CDH4: variants seen among roughly 807,000 people sequenced by gnomAD.
CDH4 encodes the protein cadherin 4.
A neutral mutation model predicts 86.0 loss-of-function variants in CDH4; 33 were observed. The observed-to-expected ratio is 0.38, with a 90% CI of 0.29 to 0.51. The LOEUF (loss-of-function observed/expected upper bound fraction) is 0.51, where lower values mean the gene tolerates loss of function less well. Ranked by LOEUF, CDH4 falls within the 20% of genes least tolerant of loss-of-function variation. The pLI, the probability that CDH4 is intolerant of heterozygous loss-of-function variation, is 0.86. For missense variants in CDH4, 1,114 were observed against 1,307.4 expected (o/e 0.85, Z 2.28); for synonymous variants, 555 against 549.4 (o/e 1.01, Z -0.14).
intron 2 of CDH4, among the ~76,000 whole-genome samples, chr20:61,726,567 C>A (rs139679835): frequency 7.9e-5 from 12 of 152,164 alleles, no homozygotes; most frequent in African/African-American, 2.2e-4. Context: ...GCAAGAACTG[C>A]CATCATCATC....
chr20:61,300,246 C>T (rs562479067), intron 2 of CDH4, among the ~76,000 whole-genome samples: 3 of 152,048 alleles, frequency 2.0e-5, no homozygotes, highest in South Asian at 2.1e-4. Context: ...GGTCTGAGGC[C>T]GGGGCAATCG....
intron 4 of CDH4, among the ~76,000 whole-genome samples, chr20:61,803,354 G>A (rs1481308063): frequency 6.6e-6 from 1 of 152,214 alleles, no homozygotes; most frequent in Non-Finnish European, 1.5e-5. Flanking sequence ...TTATTTGAAA[G>A]TCTAAAACTC....
At chr20:61,680,506 G>A (rs1378976885) in intron 2 of CDH4, among the ~76,000 whole-genome samples, 2 of 152,170 alleles carry the variant, frequency 1.3e-5, no homozygotes, top group African/African-American at 4.8e-5. Context: ...CAGTCAAGGG[G>A]ACAATGCATG....
intron 1 of CDH4, 85 bp from the exon 2 acceptor site, chr20:61,254,741 T>G: frequency 1.1e-6 from 1 of 911,034 alleles, no homozygotes; most frequent in Non-Finnish European, 1.8e-6. Context: ...CCAGAGACCT[T>G]TTACACAGCA....
At chr20:61,631,909 G>A (rs566177725) in intron 2 of CDH4, among the ~76,000 whole-genome samples, 7 of 152,346 alleles carry the variant, frequency 4.6e-5, no homozygotes, top group East Asian at 3.9e-4. Flanking sequence ...ACAAGACGGC[G>A]CCTCCCCACC....
intron 2 of CDH4, among the ~76,000 whole-genome samples, chr20:61,355,120 A>G (rs1363343751): frequency 6.6e-6 from 1 of 152,202 alleles, no homozygotes; most frequent in Non-Finnish European, 1.5e-5. Context: ...GAGTAGGGAG[A>G]AAAACGCACC....
chr20:61,792,775 C>T (rs901479763), intron 4 of CDH4, among the ~76,000 whole-genome samples: 3 of 151,642 alleles, frequency 2.0e-5, no homozygotes, highest in South Asian at 2.1e-4. Flanking sequence ...CTCAACCTTC[C>T]GAGTAGCTGG....
chr20:61,748,163 C>T (rs996766175), intron 3 of CDH4, among the ~76,000 whole-genome samples: 6 of 152,166 alleles, frequency 3.9e-5, no homozygotes, highest in African/African-American at 9.7e-5. Context: ...GACAGAGTCT[C>T]GCTCTGTTGC....
chr20:61,765,972 C>T (rs773967190), intron 3 of CDH4, among the ~76,000 whole-genome samples: 2 of 152,104 alleles, frequency 1.3e-5, no homozygotes, highest in East Asian at 1.9e-4. Flanking sequence ...GGCCCACCCC[C>T]GCGCCTCTGG....
At chr20:61,572,992 G>A (rs6061645) in intron 2 of CDH4, among the ~76,000 whole-genome samples, 65,226 of 135,392 alleles carry the variant, frequency 0.48, 15,693 homozygotes, top group Non-Finnish European at 0.56. Flanking sequence ...ACGGATAGAC[G>A]GACGGACGGA....
intron 2 of CDH4, among the ~76,000 whole-genome samples, chr20:61,611,847 A>G (rs998471736): frequency 6.6e-6 from 1 of 152,066 alleles, no homozygotes. Context: ...GGGCTCCACC[A>G]GGGCTTCACG....
intron 2 of CDH4, among the ~76,000 whole-genome samples, chr20:61,396,399 T>C (rs1007967900): frequency 2.0e-5 from 3 of 152,110 alleles, no homozygotes; most frequent in Non-Finnish European, 2.9e-5. Context: ...GGCAAGAGGC[T>C]CAGGAGGATC....
intron 2 of CDH4, among the ~76,000 whole-genome samples, chr20:61,508,244 C>T (rs2085755454): frequency 6.6e-6 from 1 of 152,200 alleles, no homozygotes; most frequent in East Asian, 1.9e-4. Context: ...CACAGAAGGT[C>T]CCAGGCAGTA....
chr20:61,791,956 T>G (rs1979225500), intron 4 of CDH4, among the ~76,000 whole-genome samples: 1 of 151,922 alleles, frequency 6.6e-6, no homozygotes, highest in Non-Finnish European at 1.5e-5. Context: ...AGTAGGAGGT[T>G]GGGTGTAGCT....
In CDH4 at chr20:61,929,611, G is replaced by A. The variant is rs749779311; in HGVS notation, c.2008G>A (p.Asp670Asn). ...KNWTITRLNG[D>N]YAQLSLRILY... ...TGTTTACTGTTGCTTTGCACCAGGT[G>A]ACTATGCCCAACTCAGCTTGCGCAT... is the stretch of plus-strand genomic sequence containing the variant. The change falls in exon 13 of 16, where the codon GAC becomes AAC. Residue 670 changes from aspartate (D) to asparagine (N), a missense_variant and splice_region_variant. Asp to Asn is a conservative substitution (Grantham distance 23, BLOSUM62 1). Coordinates refer to ENST00000614565, the MANE Select transcript of CDH4 (RefSeq NM_001794.5). 2.5e-6 allele frequency: 4 copies of A among 1,612,644 alleles called. No individual in the cohort carries two copies. Among genetic ancestry groups the A allele is most frequent in the Non-Finnish European group, 3.4e-6 (4 of 1,179,014 alleles).
chr20:61,798,002 A>G (rs1035014949), intron 4 of CDH4, among the ~76,000 whole-genome samples: 5 of 152,190 alleles, frequency 3.3e-5, no homozygotes, highest in African/African-American at 1.2e-4. Flanking sequence ...GAGAAAGCCA[A>G]AATGGAAAAG....
chr20:61,833,429 A>G (rs1261518640), intron 4 of CDH4, among the ~76,000 whole-genome samples: 1 of 152,126 alleles, frequency 6.6e-6, no homozygotes, highest in Non-Finnish European at 1.5e-5. Flanking sequence ...GAGACAGCAA[A>G]CATAGTATTC....
At chr20:61,458,404 TGAC>T (rs1208146847) in intron 2 of CDH4, among the ~76,000 whole-genome samples, 110 of 137,218 alleles carry the variant, frequency 8.0e-4, no homozygotes, top group African/African-American at 3.1e-3. Flanking sequence ...ATGATGGTGA[TGAC>T]AGTGCTGACA....
At chr20:61,534,891 T>C (rs62201792) in intron 2 of CDH4, among the ~76,000 whole-genome samples, 15,146 of 113,460 alleles carry the variant, frequency 0.13, 2,008 homozygotes, top group East Asian at 0.42. Context: ...CTCAACCCGA[T>C]GGCCTCCCTT....
Sources: gnomAD v4.1 joint callset for allele counts (sites outside exome capture counted in the v4.1 genomes callset) on GRCh38, gnomAD v4.1.1 for gene constraint, MANE v1.5 for transcripts, NCBI Gene and HGNC (gene_info 2026-07-23, HGNC 2026-07-21) for gene names.